NUP98: variants seen among roughly 807,000 people sequenced by gnomAD.
The protein encoded by NUP98 is nucleoporin 98 and 96 precursor, also known as nuclear pore complex protein Nup98-Nup96.
In NUP98, 26 loss-of-function variants were observed where a neutral mutation model predicts 191.9. That is an observed-to-expected ratio of 0.14 (90% CI 0.10 to 0.19). NUP98 has a LOEUF of 0.19. Ranked by LOEUF, NUP98 falls within the 10% of genes least tolerant of loss-of-function variation. NUP98 has a pLI of 1.00. For missense variants in NUP98, 1,941 were observed against 2,178.8 expected (o/e 0.89, Z 2.17); for synonymous variants, 808 against 778.4 (o/e 1.04, Z -0.63).
At chr11:3,764,210 T>C (rs536453326) in intron 8 of NUP98, among the ~76,000 whole-genome samples, 3 of 152,294 alleles carry the variant, frequency 2.0e-5, no homozygotes, top group Middle Eastern at 3.4e-3. Flanking sequence ...AAAAATGTGG[T>C]CTTTGGTGAC....
Position 3,753,389 on chromosome 11 carries a change from A to G in NUP98, c.1194T>C (p.Ser398=). 1.2e-6 allele frequency: 2 copies of G among 1,613,800 alleles called. No individual in the cohort carries two copies. Among genetic ancestry groups the G allele is most frequent in the Non-Finnish European group, 1.7e-6 (2 of 1,179,850 alleles). ...GGLFGFGTNT[S]GNSIFGSKPA... Reference sequence around the variant, plus strand: ...GTTTACTTCCAAAAATACTATTCCCACTGGTATTTGTGCCAAAACCTAGGA... The same window carrying G: ...GTTTACTTCCAAAAATACTATTCCCGCTGGTATTTGTGCCAAAACCTAGGA... The change falls in exon 11 of 33, where the codon AGT becomes AGC. Residue 398 remains serine (S), a synonymous_variant. Coordinates refer to ENST00000324932, the MANE Select transcript of NUP98 (RefSeq NM_016320.5).
chr11:3,747,929 A>AGTG (rs2080569025), intron 11 of NUP98, among the ~76,000 whole-genome samples: 2 of 152,188 alleles, frequency 1.3e-5, no homozygotes, highest in South Asian at 4.1e-4. Context: ...GAATTGCAAC[A>AGTG]GTGTGTGTGC....
rs180721719 is a variant in NUP98 at position 3,675,657 on chromosome 11, T to C, written c.*502A>G. ...TAACTCAGGCCAACCCTCCTTTGCCTCCAAAATTCAGTGTTAACTAACCAA... is the reference window on the plus strand; with the variant it reads ...TAACTCAGGCCAACCCTCCTTTGCCCCCAAAATTCAGTGTTAACTAACCAA... On this transcript the variant is annotated 3_prime_UTR_variant, in exon 33 of 33. Transcript: ENST00000324932. The C allele has an allele frequency of 1.7e-3, 411 of 239,460 alleles. 2 individuals are homozygous for C. The highest frequency in any genetic ancestry group is 2.3e-3 in the Non-Finnish European group (277 of 120,554). The allele number at this position is 239,460 out of a possible 1,614,324, so 14.8% of individuals were successfully genotyped here.
At chr11:3,784,899 G>A (rs1337974880) in intron 1 of NUP98, among the ~76,000 whole-genome samples, 2 of 152,188 alleles carry the variant, frequency 1.3e-5, no homozygotes, top group Non-Finnish European at 2.9e-5. Flanking sequence ...CACTTTGGGA[G>A]GCAGAGGCGG....
At chr11:3,715,296 G>A (rs988273597) in intron 18 of NUP98, among the ~76,000 whole-genome samples, 2 of 152,084 alleles carry the variant, frequency 1.3e-5, no homozygotes, top group East Asian at 3.9e-4. Flanking sequence ...ACAGGTGCCC[G>A]CCACAACACC....
intron 14 of NUP98, among the ~76,000 whole-genome samples, chr11:3,726,916 C>T (rs2079643016): frequency 6.6e-6 from 1 of 152,032 alleles, no homozygotes; most frequent in East Asian, 1.9e-4. Context: ...CATGTGCCAT[C>T]ATGTCTGGCT....
intron 17 of NUP98, among the ~76,000 whole-genome samples, chr11:3,719,922 G>A (rs973377380): frequency 6.6e-6 from 1 of 151,842 alleles, no homozygotes; most frequent in Admixed American, 6.6e-5. Flanking sequence ...ATCAGGCCTG[G>A]CTCATTTTCT....
chr11:3,749,518 G>A (rs1458922855), intron 11 of NUP98, among the ~76,000 whole-genome samples: 1 of 152,158 alleles, frequency 6.6e-6, no homozygotes, highest in East Asian at 1.9e-4. Context: ...CCAGCTACAT[G>A]GGAGGCTGAG....
intron 20 of NUP98, among the ~76,000 whole-genome samples, chr11:3,708,927 C>G (rs1178945613): frequency 6.6e-6 from 1 of 152,130 alleles, no homozygotes; most frequent in Non-Finnish European, 1.5e-5. Context: ...ATTACAAATA[C>G]TAACTACACA....
At chr11:3,706,147 C>T (rs1405582593) in intron 21 of NUP98, among the ~76,000 whole-genome samples, 7 of 151,906 alleles carry the variant, frequency 4.6e-5, no homozygotes, top group Admixed American at 1.3e-4. Flanking sequence ...CCAGCCTGGG[C>T]GACAGAGCAA....
intron 13 of NUP98, among the ~76,000 whole-genome samples, chr11:3,733,993 T>C (rs1431886280): frequency 6.6e-6 from 1 of 152,166 alleles, no homozygotes; most frequent in African/African-American, 2.4e-5. Flanking sequence ...GCTTCTAGTA[T>C]CTAGTTTACA....
At chr11:3,781,309 G>C (rs1435886519) in intron 2 of NUP98, 1 of 151,646 alleles carries the variant, frequency 6.6e-6, no homozygotes, top group Non-Finnish European at 1.5e-5. Flanking sequence ...CTGGGAAAAT[G>C]CTGATTGTTA....
intron 4 of NUP98, among the ~76,000 whole-genome samples, chr11:3,777,520 C>T (rs1027517067): frequency 2.7e-5 from 4 of 149,582 alleles, no homozygotes; most frequent in African/African-American, 9.9e-5. Flanking sequence ...ACTCGGGAGG[C>T]TGAGGCAGGA....
chr11:3,704,065 T>C (rs2078788743), intron 22 of NUP98, among the ~76,000 whole-genome samples: 1 of 152,220 alleles, frequency 6.6e-6, no homozygotes, highest in South Asian at 2.1e-4. Context: ...TAAATATTAT[T>C]GAAGTACCAG....
chr11:3,723,024 TCTC>T, intron 16 of NUP98, 130 bp downstream of exon 16: 5 of 744,004 alleles, frequency 6.7e-6, no homozygotes, highest in Non-Finnish European at 8.8e-6. Context: ...AATATTAAGC[TCTC>T]CTATGTGGGA....
rs1006766999 is a variant in NUP98, at chr11:3,712,123, TA to T, written c.2742+440del. On this transcript the variant is annotated intron_variant, in intron 20 of 32. Coordinates refer to ENST00000324932, the MANE Select transcript of NUP98 (RefSeq NM_016320.5). ...TACCCGAAGTATAAGCAAACAACTTTAAAAAAATGGAGATTAAAAACCCTTT... is the reference window on the plus strand; with the variant it reads ...TACCCGAAGTATAAGCAAACAACTTTAAAAAATGGAGATTAAAAACCCTTT... 5.7e-6 allele frequency: 6 copies of T among 1,058,416 alleles called. No individual in the cohort carries two copies. The Middle Eastern group carries it at 1.3e-3, about 223-fold the overall frequency. The allele number at this position is 1,058,416 out of a possible 1,614,324, so 65.6% of individuals were successfully genotyped here. A position where few individuals can be genotyped will look rare whatever the true frequency, so the allele number is the denominator to read the frequency against.
chr11:3,749,291 G>T (rs1278352531), intron 11 of NUP98, among the ~76,000 whole-genome samples: 1 of 149,930 alleles, frequency 6.7e-6, no homozygotes, highest in Non-Finnish European at 1.5e-5. Flanking sequence ...GTCCGGCCTG[G>T]GCGACAGAGC....
intron 25 of NUP98, among the ~76,000 whole-genome samples, chr11:3,695,835 T>C (rs910423771): frequency 2.0e-5 from 3 of 152,070 alleles, no homozygotes; most frequent in Admixed American, 1.3e-4. Context: ...GAATAGCATA[T>C]AGACATCAAC....
intron 24 of NUP98, among the ~76,000 whole-genome samples, chr11:3,700,305 A>T (rs971206249): frequency 1.3e-5 from 2 of 151,740 alleles, no homozygotes; most frequent in African/African-American, 2.4e-5. Flanking sequence ...GCAAGAAGGA[A>T]TGTATTTCTC....
Sources: allele counts gnomAD v4.1 joint callset (sites outside exome capture counted in the v4.1 genomes callset), GRCh38; gene constraint gnomAD v4.1.1; transcripts MANE v1.5; gene names NCBI Gene and HGNC (gene_info 2026-07-23, HGNC 2026-07-21).